GRB14: variants seen among roughly 807,000 people sequenced by gnomAD.
GRB14 encodes growth factor receptor bound protein 14, also known as growth factor receptor-bound protein 14.
A neutral mutation model predicts 69.1 loss-of-function variants in GRB14; 38 were observed. The observed-to-expected ratio is 0.55, with a 90% confidence interval of 0.42 to 0.72. The LOEUF is 0.72. Ranked by LOEUF, GRB14 falls within the 30% of genes least tolerant of loss-of-function variation. The pLI, the probability that GRB14 is intolerant of heterozygous loss-of-function variation, is 0.00. For synonymous variants in GRB14, 247 were observed against 241.3 expected (o/e 1.02, Z -0.22); for missense variants, 666 against 666.1 (o/e 1.00, Z 0.00).
chr2:164,496,592 T>C (rs1470883801), intron 12 of GRB14, among the ~76,000 whole-genome samples: 2 of 151,756 alleles, frequency 1.3e-5, no homozygotes, highest in African/African-American at 4.8e-5. Context: ...TTAATACATG[T>C]TGCATCATAC....
At chr2:164,595,135 T>C (rs1316679374) in intron 2 of GRB14, among the ~76,000 whole-genome samples, 2 of 152,230 alleles carry the variant, frequency 1.3e-5, no homozygotes, top group Non-Finnish European at 2.9e-5. Flanking sequence ...ATCCAGATGA[T>C]CAAATACTTG....
chr2:164,549,638 G>A (rs940277302), intron 2 of GRB14, among the ~76,000 whole-genome samples: 4 of 152,080 alleles, frequency 2.6e-5, no homozygotes, highest in East Asian at 1.9e-4. Flanking sequence ...TTAGGCAGGC[G>A]GATCACATGA....
chr2:164,572,513 T>G (rs1259752246), intron 2 of GRB14, among the ~76,000 whole-genome samples: 1 of 152,184 alleles, frequency 6.6e-6, no homozygotes, highest in Non-Finnish European at 1.5e-5. Flanking sequence ...CAAACACATA[T>G]CAATTGCCCA....
intron 3 of GRB14, chr2:164,539,622 G>A (rs1688180694): frequency 6.6e-6 from 1 of 152,158 alleles, no homozygotes; most frequent in African/African-American, 2.4e-5. Flanking sequence ...GGTTTAGACA[G>A]ATGAGAAGCA....
In GRB14 at chr2:164,621,134, C is replaced by T. The variant is rs538439170; in HGVS notation, c.176G>A (p.Gly59Asp). The T allele has an allele frequency of 1.2e-5, 15 of 1,246,076 alleles. No homozygotes were observed. The South Asian group carries it at 5.3e-4, about 44-fold the overall frequency. 77.2% of individuals were successfully genotyped at this position (1,246,076 alleles called of 1,614,324 possible). A position where few individuals can be genotyped will look rare whatever the true frequency, so the allele number is the denominator to read the frequency against. ...ALLPLPDGTR[G>D]CAADRRKKKD... ...GGTTGCCTACCTGTCTGCAGCACAGCCGCGGGTCCCGTCCGGAAGGGGCAG... is the reference window on the plus strand; with the variant it reads ...GGTTGCCTACCTGTCTGCAGCACAGTCGCGGGTCCCGTCCGGAAGGGGCAG... Residue 59 changes from glycine (G) to aspartate (D), a missense_variant, in exon 1 of 14, where the codon GGC (glycine) becomes GAC (aspartate). Physicochemically the swap from Gly to Asp is moderately conservative, Grantham distance 94. Transcript: ENST00000263915. The surrounding 1 kb of genome is among the most constrained non-coding windows in gnomAD (Gnocchi z 6.0).
chr2:164,501,178 TA>T (rs1454515594), intron 9 of GRB14, among the ~76,000 whole-genome samples: 2 of 152,114 alleles, frequency 1.3e-5, no homozygotes, highest in African/African-American at 4.8e-5. Flanking sequence ...TTTTAGGGCT[TA>T]AAAGTAATAC....
At chr2:164,514,839 C>A (rs1687437284) in intron 6 of GRB14, among the ~76,000 whole-genome samples, 1 of 152,142 alleles carries the variant, frequency 6.6e-6, no homozygotes, top group African/African-American at 2.4e-5. Context: ...TGTTCACCTG[C>A]TGCCTGGAAA....
Position 164,492,963 on chromosome 2 carries a change from C to A in GRB14, c.*73G>T. Reference sequence around the variant, plus strand: ...CTTTTCACATGGTAATGTTTTCGCCCTTATTTATGGTCTTTTATTATTTTT... The same window carrying A: ...CTTTTCACATGGTAATGTTTTCGCCATTATTTATGGTCTTTTATTATTTTT... On this transcript the variant is annotated 3_prime_UTR_variant, in exon 14 of 14. Coordinates refer to ENST00000263915, the MANE Select transcript of GRB14 (RefSeq NM_004490.3). 7.2e-7 allele frequency: 1 copy of A among 1,389,256 alleles called. No individual in the cohort carries two copies. The highest frequency in any genetic ancestry group is 2.3e-5 in the Admixed American group (1 of 43,734). 86.1% of individuals were successfully genotyped at this position (1,389,256 alleles called of 1,614,324 possible).
In GRB14 at chr2:164,493,090, A is replaced by G. The variant is rs1451311047; in HGVS notation, c.1569T>C (p.Asn523=). 1.2e-6 allele frequency: 2 copies of G among 1,613,622 alleles called. No homozygotes were observed. The highest frequency in any genetic ancestry group is 8.5e-7 in the Non-Finnish European group (1 of 1,179,648). ...TCAACTTGCAAGGAAGAACGCCCTTATTGAGTTGATAGAACTCCACCAGCT... is the reference window on the plus strand; with the variant it reads ...TCAACTTGCAAGGAAGAACGCCCTTGTTGAGTTGATAGAACTCCACCAGCT... ...LIQLVEFYQL[N]KGVLPCKLKH... is the part of the protein sequence containing the mutation. Residue 523 remains asparagine (N), a synonymous_variant, in exon 14 of 14, where the codon AAT becomes AAC. Transcript: ENST00000263915.
intron 2 of GRB14, among the ~76,000 whole-genome samples, chr2:164,612,061 G>A (rs1366625184): frequency 3.9e-5 from 6 of 152,224 alleles, no homozygotes; most frequent in Middle Eastern, 3.4e-3. Flanking sequence ...ATCTGTAGTA[G>A]GACTGTATTA....
intron 2 of GRB14, among the ~76,000 whole-genome samples, chr2:164,602,740 C>T (rs1558879355): frequency 6.6e-6 from 1 of 152,152 alleles, no homozygotes; most frequent in South Asian, 2.1e-4. Flanking sequence ...GCCAACTGAT[C>T]CCTATTGCCC....
intron 9 of GRB14, among the ~76,000 whole-genome samples, chr2:164,498,538 A>C (rs535240743): frequency 2.5e-4 from 38 of 152,284 alleles, no homozygotes; most frequent in African/African-American, 8.7e-4. Context: ...AAAATTCTCC[A>C]AAAGAAAAAT....
At chr2:164,614,334 C>G (rs570546090) in intron 2 of GRB14, among the ~76,000 whole-genome samples, 3 of 152,086 alleles carry the variant, frequency 2.0e-5, no homozygotes, top group Non-Finnish European at 2.9e-5. Flanking sequence ...GGCCTAAATA[C>G]AATTTATGAT....
At chr2:164,599,268 C>T (rs997541086) in intron 2 of GRB14, among the ~76,000 whole-genome samples, 2 of 151,042 alleles carry the variant, frequency 1.3e-5, no homozygotes. Flanking sequence ...CCAATCAAAG[C>T]CTTGGACCAG....
intron 2 of GRB14, among the ~76,000 whole-genome samples, chr2:164,570,275 T>TAAAAAAA (rs35918859): frequency 3.5e-5 from 2 of 57,210 alleles, no homozygotes; most frequent in African/African-American, 6.7e-5. Context: ...AGACTCCATC[T>TAAAAAAA]AAAAAAAAAA....
At chr2:164,563,397 T>C (rs1688884771) in intron 2 of GRB14, among the ~76,000 whole-genome samples, 1 of 152,172 alleles carries the variant, frequency 6.6e-6, no homozygotes, top group Non-Finnish European at 1.5e-5. Context: ...GAGGGCAGTG[T>C]GCTACACTCC....
chr2:164,508,894 T>C (rs768774998), intron 6 of GRB14, 42 bp from the exon 7 acceptor site: 6 of 1,361,374 alleles, frequency 4.4e-6, no homozygotes, highest in Middle Eastern at 1.9e-4. Flanking sequence ...ATTTTTGCAT[T>C]ATCTTTTTTG....
At chr2:164,561,294 G>A (rs979012911) in intron 2 of GRB14, among the ~76,000 whole-genome samples, 2 of 152,070 alleles carry the variant, frequency 1.3e-5, no homozygotes, top group Non-Finnish European at 2.9e-5. Context: ...ACTGTAAAAT[G>A]GGCAAAATGC....
intron 3 of GRB14, 41 bp from the exon 4 acceptor site, chr2:164,527,176 AATATAT>A (rs57531034): frequency 0.037 from 9,089 of 248,846 alleles, 287 homozygotes; most frequent in East Asian, 0.13. Flanking sequence ...CAGATAGACA[AATATAT>A]ATATATATAT....
Sources: gnomAD v4.1 joint callset for allele counts (sites outside exome capture counted in the v4.1 genomes callset) on GRCh38, gnomAD v4.1.1 for gene constraint, Gnocchi (gnomAD v3.1) non-coding constraint, MANE v1.5 for transcripts, NCBI Gene and HGNC (gene_info 2026-07-23, HGNC 2026-07-21) for gene names.